CDC42: variants seen among roughly 807,000 people sequenced by gnomAD.
CDC42 encodes the protein cell division cycle 42, also known as cell division control protein 42 homolog.
In CDC42, 1 loss-of-function variant was observed where a neutral mutation model predicts 20.8. The ratio of observed to expected loss-of-function variants is 0.05; its 90% confidence interval spans 0.02 to 0.23. The LOEUF is 0.23. Among genes scored for constraint, CDC42 ranks in the 10% least tolerant of loss-of-function variants. The pLI, the probability that CDC42 is intolerant of heterozygous loss-of-function variation, is 1.00. For missense variants in CDC42, 49 were observed against 227.9 expected (o/e 0.21, Z 5.05); for synonymous variants, 72 against 84.8 (o/e 0.85, Z 0.83).
At chr1:22,087,039 A>G (rs575368108) in intron 5 of CDC42, among the ~76,000 whole-genome samples, 173 bp downstream of exon 5, 11 of 152,182 alleles carry the variant, frequency 7.2e-5, no homozygotes, top group African/African-American at 2.4e-4. Flanking sequence ...TTTTTGGAGA[A>G]TATTATTAGT....
chr1:22,072,118 G>A (rs974315943), intron 1 of CDC42, among the ~76,000 whole-genome samples: 3 of 99,342 alleles, frequency 3.0e-5, no homozygotes, highest in African/African-American at 3.9e-5. Flanking sequence ...TTTTTTTTGG[G>A]ATGGAGTCTC....
intron 1 of CDC42, among the ~76,000 whole-genome samples, chr1:22,067,570 C>T (rs1353569559): frequency 6.6e-6 from 1 of 152,184 alleles, no homozygotes; most frequent in Admixed American, 6.5e-5. Context: ...GTCTCGAACG[C>T]CTGACCTCAG....
At chr1:22,084,133 A>G (rs570061279) in intron 3 of CDC42, among the ~76,000 whole-genome samples, 22 of 152,320 alleles carry the variant, frequency 1.4e-4, no homozygotes, top group African/African-American at 5.3e-4. Flanking sequence ...TGCTATCAAC[A>G]TGGGTATACA....
At chr1:22,059,493 T>C (rs61776167) in intron 1 of CDC42, 1 of 152,146 alleles carries the variant, frequency 6.6e-6, no homozygotes, top group Admixed American at 6.6e-5. Flanking sequence ...CAAGGGAAAA[T>C]GTTAAGAACC....
At chr1:22,078,694 C>T (rs1360616002) in intron 2 of CDC42, 111 bp downstream of exon 2, 1 of 1,513,080 alleles carries the variant, frequency 6.6e-7, no homozygotes, top group Non-Finnish European at 8.9e-7. Context: ...CCTTTGTTTC[C>T]TGTTTTTAAA....
chr1:22,100,858 T>C lies in CDC42; in HGVS notation c.*9341T>C, dbSNP rs1045755500. 1 of 152,238 alleles carries C rather than the reference T, an allele frequency of 6.6e-6. No homozygotes were observed. Among genetic ancestry groups the C allele is most frequent in the African/African-American group, 2.4e-5 (1 of 41,470 alleles). The allele number at this position is 152,238 out of a possible 1,614,324, so 9.4% of individuals were successfully genotyped here. On this transcript the variant is annotated 3_prime_UTR_variant, in exon 6 of 6. Transcript: ENST00000656825. Reference sequence around the variant, plus strand: ...GGCCCCAGTGCTAGCTTCTTAGCCCTCCTTTGTAAGGTTTGCACTAGTTTG... The same window carrying C: ...GGCCCCAGTGCTAGCTTCTTAGCCCCCCTTTGTAAGGTTTGCACTAGTTTG...
intron 2 of CDC42, among the ~76,000 whole-genome samples, chr1:22,079,135 T>A (rs1448861630): frequency 3.0e-5 from 3 of 98,666 alleles, no homozygotes; most frequent in Non-Finnish European, 6.0e-5. Flanking sequence ...TCTTTTCTTT[T>A]TTTCTTTTTT....
chr1:22,069,770 G>C (rs887646286), intron 1 of CDC42, among the ~76,000 whole-genome samples: 2 of 150,270 alleles, frequency 1.3e-5, no homozygotes, highest in African/African-American at 4.9e-5. Flanking sequence ...CCCAGCCTTG[G>C]TAGAGGTTTT....
At chr1:22,058,097 A>G (rs1411181126) in intron 1 of CDC42, among the ~76,000 whole-genome samples, 1 of 152,178 alleles carries the variant, frequency 6.6e-6, no homozygotes, top group African/African-American at 2.4e-5. Context: ...TCAGGTATGC[A>G]GTATAGTCTG....
intron 1 of CDC42, among the ~76,000 whole-genome samples, chr1:22,075,772 A>G (rs1030626147): frequency 1.3e-5 from 2 of 152,202 alleles, no homozygotes; most frequent in African/African-American, 4.8e-5. Context: ...AGGTTGAATA[A>G]CACAGAGGTT....
intron 1 of CDC42, among the ~76,000 whole-genome samples, chr1:22,069,456 G>A (rs1387400824): frequency 6.6e-6 from 1 of 151,346 alleles, no homozygotes; most frequent in South Asian, 2.1e-4. Context: ...GATTATAGGC[G>A]TGAGCCACCA....
intron 1 of CDC42, among the ~76,000 whole-genome samples, chr1:22,069,217 C>G (rs1197365451): frequency 7.2e-6 from 1 of 138,446 alleles, no homozygotes; most frequent in Non-Finnish European, 1.5e-5. Flanking sequence ...CACTCTGTCC[C>G]CAGGCTGGAG....
rs1570057570 is a variant in CDC42, at chr1:22,096,111, C to T, written c.*4594C>T. Among the ~76,000 whole-genome samples the T allele has an allele frequency of 6.6e-6, 1 of 152,168 alleles. No homozygotes were observed. Among genetic ancestry groups the T allele is most frequent in the African/African-American group, 2.4e-5 (1 of 41,510 alleles). The stretch of plus-strand genomic sequence containing the variant: ...AGTAGCTGGGATTACAGGTGTCTGC[C>T]ACTGCGCCCGGCTAATTTTTTGTAT... On this transcript the variant is annotated 3_prime_UTR_variant, in exon 6 of 6. Transcript: ENST00000656825.
chr1:22,069,015 AT>A (rs1410626227), intron 1 of CDC42, among the ~76,000 whole-genome samples: 1 of 152,134 alleles, frequency 6.6e-6, no homozygotes, highest in Non-Finnish European at 1.5e-5. Context: ...GAACTTTGTT[AT>A]GTGAATTGTG....
rs1645781181 is a variant in CDC42, at chr1:22,100,084, T to G, written c.*8567T>G. On this transcript the variant is annotated 3_prime_UTR_variant, in exon 6 of 6. Coordinates refer to ENST00000656825, the MANE Select transcript of CDC42 (RefSeq NM_001791.4). ...TGAGTTGGGAAGAGCAGGGTTTGTTTGGTGAGAAAGTTGCACCTTAGTGAA... is the reference window on the plus strand; with the variant it reads ...TGAGTTGGGAAGAGCAGGGTTTGTTGGGTGAGAAAGTTGCACCTTAGTGAA... Among the ~76,000 whole-genome samples the G allele has an allele frequency of 6.7e-6, 1 of 150,084 alleles. No individual in the cohort carries two copies. The highest frequency in any genetic ancestry group is 2.1e-4 in the South Asian group (1 of 4,736).
At position 22,082,871 on chromosome 1, in the gene CDC42, G is replaced by GCT. The variant is rs1645622224; in HGVS notation, c.178+1077_178+1078insCT. On this transcript the variant is annotated intron_variant, in intron 3 of 5. Coordinates refer to ENST00000656825, the MANE Select transcript of CDC42 (RefSeq NM_001791.4). Reference sequence around the variant, plus strand: ...GTTCATTTGTGTCCAAAGGCACAGAGAAAATTTTTATTTTTTTTTTTTGTT... The same window carrying GCT: ...GTTCATTTGTGTCCAAAGGCACAGAGCTAAAATTTTTATTTTTTTTTTTTGTT... Among the ~76,000 whole-genome samples the GCT allele has an allele frequency of 5.8e-5, 6 of 103,340 alleles. No homozygotes were observed. The South Asian group carries it at 2.2e-3, about 39-fold the overall frequency. 67.8% of individuals were successfully genotyped at this position (103,340 alleles called of 152,430 possible).
At chr1:22,070,077 T>C (rs1310364929) in intron 1 of CDC42, among the ~76,000 whole-genome samples, 2 of 152,190 alleles carry the variant, frequency 1.3e-5, no homozygotes, top group African/African-American at 4.8e-5. Context: ...CTTGAGCCAC[T>C]GTGCCCAGCC....
intron 1 of CDC42, among the ~76,000 whole-genome samples, chr1:22,066,867 C>T (rs1418187621): frequency 6.6e-6 from 1 of 152,126 alleles, no homozygotes; most frequent in Admixed American, 6.6e-5. Flanking sequence ...AGTTTGAGAC[C>T]AGCTTGACCA....
intron 1 of CDC42, among the ~76,000 whole-genome samples, chr1:22,070,905 C>T (rs1052421135): frequency 3.9e-5 from 6 of 152,096 alleles, no homozygotes; most frequent in South Asian, 2.1e-4. Flanking sequence ...CTCCTTTGCT[C>T]GGTGTACTTT....
Sources: allele counts gnomAD v4.1 joint callset (sites outside exome capture counted in the v4.1 genomes callset), GRCh38; gene constraint gnomAD v4.1.1; transcripts MANE v1.5; gene names NCBI Gene and HGNC (gene_info 2026-07-23, HGNC 2026-07-21).